PDE4D: variants seen among roughly 807,000 people sequenced by gnomAD.
PDE4D encodes the protein phosphodiesterase 4D.
In PDE4D, 24 loss-of-function variants were observed where a neutral mutation model predicts 87.4. The ratio of observed to expected loss-of-function variants is 0.27; its 90% CI spans 0.20 to 0.39. The LOEUF is 0.39. Ranked by LOEUF, PDE4D falls within the 10% of genes least tolerant of loss-of-function variation. The probability of loss-of-function intolerance (pLI) is 1.00; values close to 1 mark genes in which losing one functional copy is unlikely to be tolerated. For missense variants in PDE4D, 714 were observed against 1,041.0 expected (o/e 0.69, Z 4.32); for synonymous variants, 384 against 383.2 (o/e 1.00, Z -0.02).
At chr5:59,290,363 G>T (rs559336313) in intron 1 of PDE4D, among the ~76,000 whole-genome samples, 15 of 152,138 alleles carry the variant, frequency 9.9e-5, no homozygotes, top group African/African-American at 3.4e-4. Context: ...GGGAAAACTG[G>T]ATATCCACAT....
chr5:59,049,587 G>A (rs539568282), intron 5 of PDE4D, among the ~76,000 whole-genome samples: 1 of 152,214 alleles, frequency 6.6e-6, no homozygotes, highest in Admixed American at 6.5e-5. Context: ...AATTTTAAAA[G>A]AATTCACCAA....
chr5:59,287,324 C>A (rs1767141741), intron 1 of PDE4D, among the ~76,000 whole-genome samples: 1 of 151,752 alleles, frequency 6.6e-6, no homozygotes, highest in Non-Finnish European at 1.5e-5. Flanking sequence ...AGAGACTCCT[C>A]TGCTTGTGGA....
At chr5:60,484,128 C>G (rs1350981363) in intron 1 of PDE4D, among the ~76,000 whole-genome samples, 1 of 151,678 alleles carries the variant, frequency 6.6e-6, no homozygotes, top group African/African-American at 2.4e-5. Flanking sequence ...TAAGCATCAC[C>G]TCAAAACCTA....
chr5:60,034,264 CACAA>C (rs1344257476), intron 2 of PDE4D, among the ~76,000 whole-genome samples: 1 of 152,174 alleles, frequency 6.6e-6, no homozygotes, highest in Non-Finnish European at 1.5e-5. Flanking sequence ...AACAAATTAA[CACAA>C]ACTGAGTGGT....
intron 1 of PDE4D, among the ~76,000 whole-genome samples, chr5:59,459,235 G>A (rs1448238197): frequency 6.6e-6 from 1 of 152,076 alleles, no homozygotes; most frequent in Non-Finnish European, 1.5e-5. Flanking sequence ...CCTGTCTTAT[G>A]TACTGAAAAA....
chr5:60,397,388 C>G (rs552334678), intron 1 of PDE4D, among the ~76,000 whole-genome samples: 5 of 152,270 alleles, frequency 3.3e-5, no homozygotes, highest in African/African-American at 1.2e-4. Flanking sequence ...TGGAATCAAC[C>G]TAAGTTTCCA....
At position 59,414,790 on chromosome 5, in the gene PDE4D, T is replaced by C. The variant is rs117612771; in HGVS notation, c.456-198822A>G. Among the ~76,000 whole-genome samples, 255 of 152,052 alleles carry C rather than the reference T, an allele frequency of 1.7e-3. 3 individuals carry two copies. The East Asian group carries it at 0.04, about 24-fold the overall frequency. On this transcript the variant is annotated intron_variant, in intron 1 of 14. Coordinates refer to ENST00000340635, the MANE Select transcript of PDE4D (RefSeq NM_001104631.2). The stretch of plus-strand genomic sequence containing the variant: ...AGGGCTTAGAGCCCATGTACTCCTA[T>C]ATGTGGACTAGGACTCTGGGGCTAT...
chr5:59,829,198 G>A (rs953254189), intron 1 of PDE4D, among the ~76,000 whole-genome samples: 5 of 151,756 alleles, frequency 3.3e-5, no homozygotes, highest in Non-Finnish European at 5.9e-5. Context: ...AAGGGATGCA[G>A]GATACAGTCA....
chr5:59,962,839 T>C (rs2152811582), intron 3 of PDE4D, among the ~76,000 whole-genome samples: 1 of 152,348 alleles, frequency 6.6e-6, no homozygotes, highest in East Asian at 1.9e-4. Flanking sequence ...TAGTGATATC[T>C]TTTCTCCTTT....
chr5:60,135,011 T>C (rs1779918178), intron 2 of PDE4D, among the ~76,000 whole-genome samples: 1 of 152,158 alleles, frequency 6.6e-6, no homozygotes, highest in Non-Finnish European at 1.5e-5. Context: ...CTGACGAAAC[T>C]CTTAACCACT....
chr5:59,199,824 ATG>A (rs763445177), intron 2 of PDE4D, among the ~76,000 whole-genome samples: 1 of 151,944 alleles, frequency 6.6e-6, no homozygotes, highest in Non-Finnish European at 1.5e-5. Flanking sequence ...CTTGATCTTT[ATG>A]TGTGTGTATG....
At chr5:59,527,339 T>G (rs915406375) in intron 1 of PDE4D, among the ~76,000 whole-genome samples, 3 of 152,218 alleles carry the variant, frequency 2.0e-5, no homozygotes, top group African/African-American at 4.8e-5. Flanking sequence ...TATTAAAATA[T>G]TCAAAACACT....
chr5:59,053,926 A>T (rs1319251164), intron 5 of PDE4D, among the ~76,000 whole-genome samples: 1 of 151,760 alleles, frequency 6.6e-6, no homozygotes, highest in Admixed American at 6.6e-5. Flanking sequence ...AAAAGAAAAA[A>T]ATTTTTTTCC....
intron 1 of PDE4D, among the ~76,000 whole-genome samples, chr5:59,758,676 C>T (rs1305780661): frequency 1.3e-5 from 2 of 152,110 alleles, no homozygotes; most frequent in Admixed American, 6.5e-5. Flanking sequence ...GGTGGCCTAA[C>T]GTGAATACCA....
intron 1 of PDE4D, among the ~76,000 whole-genome samples, chr5:60,321,195 C>T (rs1282006799): frequency 6.6e-6 from 1 of 152,110 alleles, no homozygotes; most frequent in East Asian, 1.9e-4. Flanking sequence ...GGTACAAAAA[C>T]AGACATATAG....
At chr5:59,291,230 T>C (rs1312901798) in intron 1 of PDE4D, among the ~76,000 whole-genome samples, 1 of 152,064 alleles carries the variant, frequency 6.6e-6, no homozygotes, top group South Asian at 2.1e-4. Context: ...TGCATATATA[T>C]AATGTAGTAC....
At chr5:59,988,335 T>C in intron 3 of PDE4D, 1 of 532,362 alleles carries the variant, frequency 1.9e-6, no homozygotes, top group Non-Finnish European at 3.3e-6. Context: ...TATAGAAATG[T>C]CACCTGAGAA....
At chr5:60,342,464 G>A (rs966868017) in intron 1 of PDE4D, among the ~76,000 whole-genome samples, 1 of 152,142 alleles carries the variant, frequency 6.6e-6, no homozygotes. Flanking sequence ...TCATAGGGTT[G>A]TTACAAGTTC....
At chr5:59,270,117 AG>A in intron 1 of PDE4D, among the ~76,000 whole-genome samples, 1 of 152,290 alleles carries the variant, frequency 6.6e-6, no homozygotes, top group Admixed American at 6.5e-5. Flanking sequence ...AAATATTTCA[AG>A]GTATCTTAAT....
Sources: gnomAD v4.1 joint callset for allele counts (sites outside exome capture counted in the v4.1 genomes callset) on GRCh38, gnomAD v4.1.1 for gene constraint, MANE v1.5 for transcripts, NCBI Gene and HGNC (gene_info 2026-07-23, HGNC 2026-07-21) for gene names.